Variants in CFAP263 observed in about 807,000 individuals in gnomAD.
CFAP263 encodes cilia and flagella associated protein 263, also known as cilia- and flagella-associated protein 263.
At chr16:58,252,798 A>T in the CFAP263 span, 3 of 1,613,846 alleles carry the variant, frequency 1.9e-6, no homozygotes, top group Non-Finnish European at 2.5e-6. Context: ...GAGCCCAGGG[A>T]TCAGCGACCT....
At chr16:58,268,189 T>G in the CFAP263 span, among the ~76,000 whole-genome samples, 1 of 152,208 alleles carries the variant, frequency 6.6e-6, no homozygotes, top group Non-Finnish European at 1.5e-5. Flanking sequence ...CCAAGGCCTG[T>G]GGTCACTGTG....
chr16:58,259,796 CA>C, the CFAP263 span: 4 of 1,149,258 alleles, frequency 3.5e-6, no homozygotes, highest in Admixed American at 8.1e-5. Flanking sequence ...CTTTTCAAAC[CA>C]ATGGGAAAAA....
At chr16:58,266,297 G>A in the CFAP263 span, among the ~76,000 whole-genome samples, 2 of 142,382 alleles carry the variant, frequency 1.4e-5, no homozygotes, top group Non-Finnish European at 3.0e-5. Flanking sequence ...CCTCTCTTCA[G>A]TTCTTTCCTT....
the CFAP263 span, chr16:58,262,643 G>T: frequency 9.6e-7 from 1 of 1,041,224 alleles, no homozygotes; most frequent in Middle Eastern, 2.7e-4. Context: ...CAGCGTTTGG[G>T]TGCCCCCTCG....
At chr16:58,279,658 T>A in the CFAP263 span, 1 of 1,477,876 alleles carries the variant, frequency 6.8e-7, no homozygotes, top group East Asian at 2.3e-5. Flanking sequence ...TCCTTTATCA[T>A]TTTTTTTCTT....
At chr16:58,270,776 A>G in the CFAP263 span, among the ~76,000 whole-genome samples, 2 of 152,032 alleles carry the variant, frequency 1.3e-5, no homozygotes, top group Non-Finnish European at 2.9e-5. Flanking sequence ...ATCGATTTTG[A>G]GTTAATTTTT....
chr16:58,282,576 G>T, the CFAP263 span: 1 of 152,402 alleles, frequency 6.6e-6, no homozygotes, highest in Admixed American at 6.5e-5. Flanking sequence ...TGATTCCCTG[G>T]TGATCTCTCA....
the CFAP263 span, chr16:58,278,366 G>A: frequency 3.3e-6 from 3 of 906,572 alleles, 1 homozygote; most frequent in South Asian, 5.5e-5. Context: ...CTTTGAAAAT[G>A]TAAACATTAT....
chr16:58,270,369 ATGTAATT>A, the CFAP263 span, among the ~76,000 whole-genome samples: 31 of 152,268 alleles, frequency 2.0e-4, no homozygotes, highest in African/African-American at 7.5e-4. Context: ...TGAATGTCCC[ATGTAATT>A]TATCGAACAC....
the CFAP263 span, chr16:58,280,175 C>A: frequency 1.3e-6 from 2 of 1,528,468 alleles, no homozygotes; most frequent in South Asian, 1.2e-5. Flanking sequence ...GAATGCCTGG[C>A]ACTCAGCATT....
chr16:58,263,516 C>T, the CFAP263 span, among the ~76,000 whole-genome samples: 821 of 152,244 alleles, frequency 5.4e-3, 4 homozygotes, highest in Non-Finnish European at 7.6e-3. Flanking sequence ...AAAGTTTTGC[C>T]GACCCCTCGC....
At chr16:58,254,510 ATC>A in the CFAP263 span, among the ~76,000 whole-genome samples, 4 of 152,170 alleles carry the variant, frequency 2.6e-5, no homozygotes, top group African/African-American at 7.2e-5. Context: ...ATCCTAGTGA[ATC>A]TCTGTACATA....
chr16:58,255,452 C>T, the CFAP263 span, among the ~76,000 whole-genome samples: 1 of 152,218 alleles, frequency 6.6e-6, no homozygotes, highest in African/African-American at 2.4e-5. Flanking sequence ...CTCACAGTCA[C>T]ACCCAGAAAC....
chr16:58,251,459 T>G, the CFAP263 span, among the ~76,000 whole-genome samples: 1 of 152,220 alleles, frequency 6.6e-6, no homozygotes, highest in East Asian at 1.9e-4. Flanking sequence ...TGGCATGATC[T>G]CGGCTCACTG....
chr16:58,272,915 G>A, the CFAP263 span, among the ~76,000 whole-genome samples: 19 of 152,128 alleles, frequency 1.2e-4, no homozygotes, highest in Admixed American at 1.2e-3. Context: ...TGGAAACCAA[G>A]ATCTGAGTGT....
At chr16:58,272,987 G>A in the CFAP263 span, among the ~76,000 whole-genome samples, 11 of 151,728 alleles carry the variant, frequency 7.2e-5, no homozygotes, top group Admixed American at 2.0e-4. Context: ...TGAGTGGCAG[G>A]TTTTTTTTCT....
chr16:58,279,706 C>A, the CFAP263 span: 1 of 1,608,784 alleles, frequency 6.2e-7, no homozygotes, highest in South Asian at 1.1e-5. Context: ...CTTAAAAGGC[C>A]ATCGTAAGGC....
the CFAP263 span, among the ~76,000 whole-genome samples, chr16:58,271,523 C>T: frequency 6.6e-6 from 1 of 152,204 alleles, no homozygotes; most frequent in Non-Finnish European, 1.5e-5. Flanking sequence ...ATCCACATTA[C>T]ATTTACTGCT....
chr16:58,273,364 T>C, the CFAP263 span, among the ~76,000 whole-genome samples: 1 of 152,188 alleles, frequency 6.6e-6, no homozygotes, highest in African/African-American at 2.4e-5. Context: ...AGACTGTTAA[T>C]TTTTCTTGGT....
Sources: allele counts gnomAD v4.1 joint callset (sites outside exome capture counted in the v4.1 genomes callset), GRCh38; gene constraint gnomAD v4.1.1; transcripts MANE v1.5; gene names NCBI Gene and HGNC (gene_info 2026-07-23, HGNC 2026-07-21).